The following MMP14 variants were observed in gnomAD, a reference collection of about 807,000 sequenced individuals.
MMP14 encodes the protein matrix metallopeptidase 14, also known as matrix metalloproteinase-14.
Under a neutral mutation model 64.8 loss-of-function variants are expected in MMP14, and 13 were observed. The ratio of observed to expected loss-of-function variants is 0.20; its 90% CI spans 0.13 to 0.32. The LOEUF is 0.32. Ranked by LOEUF, MMP14 falls within the 10% of genes least tolerant of loss-of-function variation. The probability of loss-of-function intolerance (pLI) is 1.00; values close to 1 mark genes in which losing one functional copy is unlikely to be tolerated. For missense variants in MMP14, 594 were observed against 783.8 expected (o/e 0.76, Z 2.89); for synonymous variants, 322 against 315.9 (o/e 1.02, Z -0.20).
At position 22,844,778 on chromosome 14, in the gene MMP14, C is replaced by T; in HGVS notation, c.1299C>T (p.Asn433=). 6.2e-7 allele frequency: 1 copy of T among 1,614,080 alleles called. No homozygotes were observed. The change falls in exon 8 of 10, where the codon AAC becomes AAT. Residue 433 remains asparagine, a splice_region_variant and synonymous_variant. Coordinates refer to ENST00000311852, the MANE Select transcript of MMP14 (RefSeq NM_004995.4). ...PNGKTYFFRG[N]KYYRFNEELR... is the part of the protein sequence containing the mutation. Reference sequence around the variant, plus strand: ...GAAAGACCTACTTCTTCCGTGGAAACAAGTAAGACCTCAACCCCTTAACCC... The same window carrying T: ...GAAAGACCTACTTCTTCCGTGGAAATAAGTAAGACCTCAACCCCTTAACCC...
intron 1 of MMP14, among the ~76,000 whole-genome samples, chr14:22,840,463 C>T (rs2039765061): frequency 2.0e-5 from 3 of 152,010 alleles, no homozygotes; most frequent in Admixed American, 2.0e-4. Context: ...AAAATACAGT[C>T]ACCAAGTCTC....
chr14:22,837,241 C>T, intron 1 of MMP14: 2 of 551,988 alleles, frequency 3.6e-6, no homozygotes, highest in South Asian at 3.1e-5. Flanking sequence ...TTGGGCTCTG[C>T]TCTCAGCTCT....
Position 22,836,760 on chromosome 14 carries a change from A to G in MMP14, c.-58A>G, listed in dbSNP as rs903318721. The G allele has an allele frequency of 3.2e-5, 35 of 1,105,660 alleles. No individual in the cohort carries two copies. In the African/African-American group the frequency reaches 4.8e-4, roughly 15 times the overall value. 68.5% of individuals were successfully genotyped at this position (1,105,660 alleles called of 1,614,324 possible). ...CCCGAGGGAGTGGCGGTGCGACCCC[A>G]GGGCGTGGGCCCGGCCGCGGAGCCC... On this transcript the variant is annotated 5_prime_UTR_variant, in exon 1 of 10. Transcript: ENST00000311852.
At chr14:22,844,198 A>C (rs79891217) in intron 6 of MMP14, among the ~76,000 whole-genome samples, 173 bp from the exon 7 acceptor site, 1 of 44,916 alleles carries the variant, frequency 2.2e-5, no homozygotes, top group Non-Finnish European at 5.2e-5. Context: ...CTCCATCTCA[A>C]AAAAAAAAAA....
At chr14:22,844,166 C>T (rs1424922544) in intron 6 of MMP14, among the ~76,000 whole-genome samples, 3 of 151,266 alleles carry the variant, frequency 2.0e-5, no homozygotes, top group African/African-American at 7.3e-5. Flanking sequence ...CATTGCACTC[C>T]AGCCTGGACA....
Position 22,846,179 on chromosome 14 carries a change from T to C in MMP14, c.*140T>C. On this transcript the variant is annotated 3_prime_UTR_variant, in exon 10 of 10. Coordinates refer to ENST00000311852, the MANE Select transcript of MMP14 (RefSeq NM_004995.4). ...TCCTTGCTTCTCTCTGTCCCCTGGC[T>C]GGCCTCCTTCACCCTGACCGCCTCC... The C allele has an allele frequency of 1.2e-6, 1 of 849,636 alleles. No individual in the cohort carries two copies. 52.6% of individuals were successfully genotyped at this position (849,636 alleles called of 1,614,324 possible). A position where few individuals can be genotyped will look rare whatever the true frequency, so the allele number is the denominator to read the frequency against.
At chr14:22,840,602 G>A (rs559522522) in intron 1 of MMP14, among the ~76,000 whole-genome samples, 1 of 151,614 alleles carries the variant, frequency 6.6e-6, no homozygotes, top group African/African-American at 2.4e-5. Context: ...TCCGCCTCCT[G>A]CGTTCACACC....
Position 22,844,731 on chromosome 14 carries a change from G to A in MMP14, c.1252G>A (p.Ala418Thr). The A allele has an allele frequency of 6.2e-7, 1 of 1,614,086 alleles. No individual in the cohort carries two copies. Among genetic ancestry groups the A allele is most frequent in the Non-Finnish European group, 8.5e-7 (1 of 1,180,006 alleles). ...RGLPTDKIDA[A>T]LFWMPNGKTY... The stretch of plus-strand genomic sequence containing the variant: ...GCTGCCTACCGACAAGATTGATGCT[G>A]CTCTCTTCTGGATGCCCAATGGAAA... The change falls in exon 8 of 10, where the codon GCT becomes ACT. Residue 418 changes from alanine to threonine, a missense_variant. Ala to Thr is a moderately conservative substitution (Grantham distance 58). This residue lies in a region of MMP14 where 364 missense variants were observed against 425.2 expected (regional missense o/e 0.86). Coordinates refer to ENST00000311852, the MANE Select transcript of MMP14 (RefSeq NM_004995.4).
Position 22,846,176 on chromosome 14 carries a change from G to C in MMP14, c.*137G>C. ...GCCTCCTTGCTTCTCTCTGTCCCCT[G>C]GCTGGCCTCCTTCACCCTGACCGCC... On this transcript the variant is annotated 3_prime_UTR_variant, in exon 10 of 10. Transcript: ENST00000311852. 1 of 871,658 alleles carries C rather than the reference G, an allele frequency of 1.1e-6. No homozygotes were observed. Among genetic ancestry groups the C allele is most frequent in the East Asian group, 2.7e-5 (1 of 36,882 alleles). 54.0% of individuals were successfully genotyped at this position (871,658 alleles called of 1,614,324 possible). A position where few individuals can be genotyped will look rare whatever the true frequency, so the allele number is the denominator to read the frequency against.
At chr14:22,840,556 T>C (rs2039765887) in intron 1 of MMP14, among the ~76,000 whole-genome samples, 1 of 151,790 alleles carries the variant, frequency 6.6e-6, no homozygotes, top group Non-Finnish European at 1.5e-5. Context: ...TCTCCCAGGC[T>C]GGAGTGCAGT....
rs1566481346 is a variant in MMP14 at position 22,841,542 on chromosome 14, A to C, written c.160A>C (p.Thr54Pro). Reference protein sequence around the residue: ...YLPPGDLRTHTQRSPQSLSAA... With the variant: ...YLPPGDLRTHPQRSPQSLSAA... ...GCCTCCCGGGGACCTACGTACCCAC[A>C]CACAGCGCTCACCCCAGTCACTCTC... Residue 54 changes from threonine to proline, a missense_variant, in exon 2 of 10, where the codon ACA becomes CCA. Physicochemically the swap from Thr to Pro is conservative, Grantham distance 38 (BLOSUM62 -1). Transcript: ENST00000311852. 6.2e-7 allele frequency: 1 copy of C among 1,614,016 alleles called. No individual in the cohort carries two copies. Among genetic ancestry groups the C allele is most frequent in the Admixed American group, 1.7e-5 (1 of 60,004 alleles).
Position 22,841,904 on chromosome 14 carries a change from C to T in MMP14, c.258-9C>T, listed in dbSNP as rs2039775622. ...CTGATCCCAATCCTCGCACCCAAAC[C>T]CACTCCAGGGCCATGAGGCGCCCCC... On this transcript the variant is annotated splice_polypyrimidine_tract_variant and intron_variant, in intron 2 of 9. Coordinates refer to ENST00000311852, the MANE Select transcript of MMP14 (RefSeq NM_004995.4). 2 of 1,614,094 alleles carry T rather than the reference C, an allele frequency of 1.2e-6. No individual in the cohort carries two copies. Among genetic ancestry groups the T allele is most frequent in the East Asian group, 2.2e-5 (1 of 44,904 alleles).
chr14:22,840,978 G>A (rs1252563216), intron 1 of MMP14, among the ~76,000 whole-genome samples: 1 of 152,048 alleles, frequency 6.6e-6, no homozygotes, highest in African/African-American at 2.4e-5. Flanking sequence ...TCTTTTTTCT[G>A]CCCTCCTTTC....
chr14:22,843,597 C>A lies in MMP14; in HGVS notation c.851-113C>A. On this transcript the variant is annotated intron_variant, in intron 5 of 9. Transcript: ENST00000311852. This position sits in a 1 kb window ranked among gnomAD's most constrained non-coding sequence, Gnocchi z 4.8. Reference sequence around the variant, plus strand: ...GTCGCCTCCCAGTTGGTTGCTTCAGCCTCCCCTAGAAGCCCATCCACACCT... The same window carrying A: ...GTCGCCTCCCAGTTGGTTGCTTCAGACTCCCCTAGAAGCCCATCCACACCT... The A allele has an allele frequency of 1.4e-6, 2 of 1,416,688 alleles. No individual in the cohort carries two copies. Among genetic ancestry groups the A allele is most frequent in the Non-Finnish European group, 1.9e-6 (2 of 1,041,320 alleles). 87.8% of individuals were successfully genotyped at this position (1,416,688 alleles called of 1,614,324 possible).
rs759875172 is a variant in MMP14, at chr14:22,844,591, C to T, written c.1151-39C>T. On this transcript the variant is annotated intron_variant, in intron 7 of 9. Transcript: ENST00000311852. ...TGATTTCCTCTAAAGTCCCTAGAGCCTAAGTTGAACCCAGACGTTGCCCTC... is the reference window on the plus strand; with the variant it reads ...TGATTTCCTCTAAAGTCCCTAGAGCTTAAGTTGAACCCAGACGTTGCCCTC... The T allele has an allele frequency of 2.5e-6, 4 of 1,613,662 alleles. No homozygotes were observed. In the Admixed American group the frequency reaches 6.7e-5, roughly 27 times the overall value.
rs1483319950 is a variant in MMP14 at position 22,843,036 on chromosome 14, G to A, written c.689-221G>A. 1.3e-5 allele frequency among the ~76,000 whole-genome samples: 2 copies of A among 152,176 alleles called. No individual in the cohort carries two copies. Among genetic ancestry groups the A allele is most frequent in the African/African-American group, 2.4e-5 (1 of 41,442 alleles). On this transcript the variant is annotated intron_variant, in intron 4 of 9. Transcript: ENST00000311852. This position sits in a 1 kb window ranked among gnomAD's most constrained non-coding sequence, Gnocchi z 4.8. ...CCTTACCACAGGTCTTCCCGGGATC[G>A]GGGTCCTGCTTCCAAGCACTCTCTC...
chr14:22,841,483 C>G lies in MMP14; in HGVS notation c.109-8C>G. On this transcript the variant is annotated splice_polypyrimidine_tract_variant and splice_region_variant and intron_variant, in intron 1 of 9. Coordinates refer to ENST00000311852, the MANE Select transcript of MMP14 (RefSeq NM_004995.4). ...GGGACACTCTAAGCCATACCCCTTT[C>G]CCTACAGGCCTGGCTACAGCAATAT... 1 of 1,613,222 alleles carries G rather than the reference C, an allele frequency of 6.2e-7. No individual in the cohort carries two copies. Among genetic ancestry groups the G allele is most frequent in the Non-Finnish European group, 8.5e-7 (1 of 1,179,898 alleles).
intron 1 of MMP14, among the ~76,000 whole-genome samples, chr14:22,839,127 G>A (rs1451112939): frequency 6.6e-6 from 1 of 152,160 alleles, no homozygotes; most frequent in African/African-American, 2.4e-5. Flanking sequence ...TTCTGCTCTA[G>A]GCAAATTCTC....
rs10543628 is a variant in MMP14, at chr14:22,837,127, TGC to T, written c.108+203_108+204del. The T allele has an allele frequency of 8.3e-3, 5,712 of 688,848 alleles. 238 individuals are homozygous for T. The African/African-American group carries it at 0.09, about 11-fold the overall frequency. 42.7% of individuals were successfully genotyped at this position (688,848 alleles called of 1,614,324 possible). A position where few individuals can be genotyped will look rare whatever the true frequency, so the allele number is the denominator to read the frequency against. Reference sequence around the variant, plus strand: ...CAACTTTTGCCCGCTTCCAACCAGCTGCCCCCACCCCCTGCGCCGCCGACTCT... The same window carrying T: ...CAACTTTTGCCCGCTTCCAACCAGCTCCCCACCCCCTGCGCCGCCGACTCT... On this transcript the variant is annotated intron_variant, in intron 1 of 9. Coordinates refer to ENST00000311852, the MANE Select transcript of MMP14 (RefSeq NM_004995.4).
Sources: allele counts gnomAD v4.1 joint callset (sites outside exome capture counted in the v4.1 genomes callset), GRCh38; gene constraint gnomAD v4.1.1; regional missense constraint gnomAD v4.1.1; non-coding constraint Gnocchi (gnomAD v3.1); transcripts MANE v1.5; gene names NCBI Gene and HGNC (gene_info 2026-07-23, HGNC 2026-07-21).